The following PKIB variants were observed in gnomAD, a reference collection of about 807,000 sequenced individuals.
PKIB encodes PKI-beta.
Under a neutral mutation model 4.5 loss-of-function variants are expected in PKIB, and 2 were observed. That is an observed-to-expected ratio of 0.44 (90% confidence interval 0.18 to 1.39). The LOEUF (loss-of-function observed/expected upper bound fraction) is 1.39. Among genes scored for constraint, PKIB ranks in the 40% most tolerant of loss-of-function variants. The pLI, the probability that PKIB is intolerant of heterozygous loss-of-function variation, is 0.27. For synonymous variants in PKIB, 38 were observed against 36.0 expected, an observed-to-expected ratio of 1.06 and a Z score of -0.20; for missense variants, 94 against 92.6, an observed-to-expected ratio of 1.02 and a Z score of -0.06.
At chr6:122,515,503 G>A (rs1460825660) in intron 2 of PKIB, among the ~76,000 whole-genome samples, 4 of 152,234 alleles carry the variant, frequency 2.6e-5, no homozygotes, top group African/African-American at 9.6e-5. Flanking sequence ...TAAAGGCAAA[G>A]TCTTCTCACA....
At chr6:122,597,505 G>A (rs534881246) in intron 3 of PKIB, among the ~76,000 whole-genome samples, 77 of 152,266 alleles carry the variant, frequency 5.1e-4, no homozygotes, top group Non-Finnish European at 9.0e-4. Context: ...TCACCACTTG[G>A]TCAAGCTTAC....
intron 2 of PKIB, among the ~76,000 whole-genome samples, chr6:122,580,658 A>G (rs1237776508): frequency 2.0e-5 from 3 of 152,106 alleles, no homozygotes; most frequent in Non-Finnish European, 4.4e-5. Flanking sequence ...TATCATATCT[A>G]TATGCACTAT....
intron 1 of PKIB, among the ~76,000 whole-genome samples, chr6:122,624,582 T>C (rs1775360295): frequency 6.6e-6 from 1 of 152,126 alleles, no homozygotes; most frequent in Non-Finnish European, 1.5e-5. Context: ...TAAAGCAAAA[T>C]ATTAAGTATC....
chr6:122,673,531 G>A (rs1277827504), intron 2 of PKIB, among the ~76,000 whole-genome samples: 1 of 152,100 alleles, frequency 6.6e-6, no homozygotes, highest in South Asian at 2.1e-4. Flanking sequence ...ACTCATTGAA[G>A]GAAAAAGTCC....
At chr6:122,532,838 A>G (rs1448775333) in intron 2 of PKIB, among the ~76,000 whole-genome samples, 3 of 152,186 alleles carry the variant, frequency 2.0e-5, no homozygotes, top group Admixed American at 6.5e-5. Context: ...TATCTCTTCA[A>G]GACCCTGCTA....
chr6:122,558,615 T>C (rs1055933469), intron 2 of PKIB, among the ~76,000 whole-genome samples: 2 of 152,222 alleles, frequency 1.3e-5, no homozygotes, highest in African/African-American at 4.8e-5. Flanking sequence ...AACTTTCTTT[T>C]AATTCATGTA....
chr6:122,672,627 T>C (rs1223893555), intron 2 of PKIB, among the ~76,000 whole-genome samples: 1 of 152,152 alleles, frequency 6.6e-6, no homozygotes, highest in Non-Finnish European at 1.5e-5. Context: ...ACATGCAAAT[T>C]CTGCATCGTA....
At chr6:122,692,675 A>G (rs1402658654) in intron 3 of PKIB, among the ~76,000 whole-genome samples, 1 of 151,988 alleles carries the variant, frequency 6.6e-6, no homozygotes, top group Admixed American at 6.5e-5. Context: ...TTGGTGCTCT[A>G]CCCCACTGTG....
intron 2 of PKIB, chr6:122,479,825 T>C (rs1357528037): frequency 6.6e-6 from 1 of 152,192 alleles, no homozygotes; most frequent in Admixed American, 6.5e-5. Context: ...TCTCAAAGCA[T>C]ATACTGTTTC....
intron 3 of PKIB, among the ~76,000 whole-genome samples, chr6:122,602,663 T>G (rs1179264775): frequency 2.0e-5 from 3 of 151,980 alleles, no homozygotes; most frequent in Admixed American, 2.0e-4. Flanking sequence ...GCTTGTAATC[T>G]CAGCACTTTG....
At chr6:122,689,777 T>A (rs1038324329) in intron 3 of PKIB, among the ~76,000 whole-genome samples, 2 of 152,236 alleles carry the variant, frequency 1.3e-5, no homozygotes. Flanking sequence ...TCACTTGGTC[T>A]ATAATGCAGA....
intron 3 of PKIB, among the ~76,000 whole-genome samples, chr6:122,714,631 C>CT: frequency 6.6e-6 from 1 of 152,034 alleles, no homozygotes; most frequent in Non-Finnish European, 1.5e-5. Context: ...CCAAGGGCCA[C>CT]TTTTTAGAAG....
intron 2 of PKIB, among the ~76,000 whole-genome samples, chr6:122,558,855 G>A (rs939852860): frequency 2.0e-5 from 3 of 152,100 alleles, no homozygotes; most frequent in Admixed American, 2.0e-4. Flanking sequence ...CATCACCGGA[G>A]CAGTATACAT....
chr6:122,685,880 C>T (rs772674210), intron 3 of PKIB, among the ~76,000 whole-genome samples: 1 of 152,162 alleles, frequency 6.6e-6, no homozygotes, highest in Non-Finnish European at 1.5e-5. Context: ...TTAATTTTAG[C>T]TCCCACAAAT....
chr6:122,612,719 A>G (rs1428226001), intron 1 of PKIB, among the ~76,000 whole-genome samples: 2 of 152,100 alleles, frequency 1.3e-5, no homozygotes, highest in Non-Finnish European at 1.5e-5. Flanking sequence ...GTTGTTTCCA[A>G]TATGGGAATA....
chr6:122,677,336 T>G (rs1370098231), intron 3 of PKIB, among the ~76,000 whole-genome samples: 1 of 151,880 alleles, frequency 6.6e-6, no homozygotes, highest in Admixed American at 6.6e-5. Context: ...TTGTTTTTTG[T>G]TTTTTTTAAA....
At chr6:122,693,801 G>C (rs1195450732) in intron 3 of PKIB, among the ~76,000 whole-genome samples, 2 of 152,156 alleles carry the variant, frequency 1.3e-5, no homozygotes, top group African/African-American at 4.8e-5. Flanking sequence ...TACCCACAGA[G>C]AATGTTTAGT....
intron 2 of PKIB, among the ~76,000 whole-genome samples, chr6:122,521,338 G>A (rs771854367): frequency 1.3e-5 from 2 of 152,060 alleles, no homozygotes; most frequent in Admixed American, 6.5e-5. Flanking sequence ...TTTGTCACAC[G>A]ACACAATCTG....
At chr6:122,699,399 A>G (rs981360156) in intron 3 of PKIB, among the ~76,000 whole-genome samples, 23 of 152,178 alleles carry the variant, frequency 1.5e-4, no homozygotes, top group African/African-American at 5.6e-4. Flanking sequence ...CAAAATATTT[A>G]TCAGTTGCTG....
Sources: gnomAD v4.1 joint callset for allele counts (sites outside exome capture counted in the v4.1 genomes callset) on GRCh38, gnomAD v4.1.1 for gene constraint, MANE v1.5 for transcripts, NCBI Gene and HGNC (gene_info 2026-07-23, HGNC 2026-07-21) for gene names.